Variants in ALCAM observed in about 807,000 individuals in gnomAD.
ALCAM encodes the protein activated leukocyte cell adhesion molecule.
Under a neutral mutation model 70.9 loss-of-function variants are expected in ALCAM, and 30 were observed. The ratio of observed to expected loss-of-function variants is 0.42; its 90% CI spans 0.32 to 0.57. The LOEUF is 0.57. Among genes scored for constraint, ALCAM ranks in the 20% least tolerant of loss-of-function variants. The pLI is 0.11. For missense variants in ALCAM, 591 were observed against 695.1 expected (o/e 0.85, Z 1.68); for synonymous variants, 249 against 242.5 (o/e 1.03, Z -0.25).
At position 105,520,235 on chromosome 3, in the gene ALCAM, T is replaced by C. The variant is rs1325809288; in HGVS notation, c.174+68T>C. 3.7e-6 allele frequency: 4 copies of C among 1,088,946 alleles called. No individual in the cohort carries two copies. The East Asian group carries it at 9.5e-5, about 26-fold the overall frequency. 67.5% of individuals were successfully genotyped at this position (1,088,946 alleles called of 1,614,324 possible). A position where few individuals can be genotyped will look rare whatever the true frequency, so the allele number is the denominator to read the frequency against. On this transcript the variant is annotated intron_variant, in intron 2 of 15. Transcript: ENST00000306107. ...TTTTAAATAAAATTCTTTCTGTGAG[T>C]AACTGTGAATTTCAAATTAACCTAA...
At chr3:105,551,490 A>G (rs189618462) in intron 12 of ALCAM, among the ~76,000 whole-genome samples, 1 of 151,698 alleles carries the variant, frequency 6.6e-6, no homozygotes, top group Non-Finnish European at 1.5e-5. Flanking sequence ...ATCAAATGTC[A>G]CTGGCAGTTC....
At chr3:105,423,158 C>A (rs1936710531) in intron 1 of ALCAM, among the ~76,000 whole-genome samples, 1 of 151,194 alleles carries the variant, frequency 6.6e-6, no homozygotes, top group African/African-American at 2.4e-5. Flanking sequence ...AGTTTTATTG[C>A]AATAATTTAT....
At chr3:105,546,856 G>T (rs1940261328) in intron 9 of ALCAM, among the ~76,000 whole-genome samples, 1 of 151,192 alleles carries the variant, frequency 6.6e-6, no homozygotes, top group Non-Finnish European at 1.5e-5. Flanking sequence ...TGTATATCAG[G>T]CTATTTTTTA....
chr3:105,426,900 A>T (rs953059956), intron 1 of ALCAM, among the ~76,000 whole-genome samples: 4 of 151,932 alleles, frequency 2.6e-5, no homozygotes, highest in Non-Finnish European at 5.9e-5. Context: ...TTTATTATTG[A>T]TTAAATAAAA....
chr3:105,377,240 C>A (rs1345619940), intron 1 of ALCAM, among the ~76,000 whole-genome samples: 1 of 152,042 alleles, frequency 6.6e-6, no homozygotes, highest in Non-Finnish European at 1.5e-5. Context: ...AACCATTTCA[C>A]AAGTTCCTGG....
chr3:105,431,960 A>G (rs916866635), intron 1 of ALCAM, among the ~76,000 whole-genome samples: 1 of 152,174 alleles, frequency 6.6e-6, no homozygotes, highest in Non-Finnish European at 1.5e-5. Flanking sequence ...TATGTTTCCA[A>G]TATGAATGAA....
Position 105,520,128 on chromosome 3 carries a change from T to G in ALCAM, c.135T>G (p.Leu45=), listed in dbSNP as rs1270775553. 6.2e-7 allele frequency: 1 copy of G among 1,613,284 alleles called. No homozygotes were observed. Among genetic ancestry groups the G allele is most frequent in the Non-Finnish European group, 8.5e-7 (1 of 1,179,522 alleles). The change falls in exon 2 of 16, where the codon CTT becomes CTG. Residue 45 remains leucine, a synonymous_variant. Transcript: ENST00000306107. The stretch of plus-strand genomic sequence containing the variant: ...ATACCATTATCATACCTTGCCGACT[T>G]GACGTACCTCAGAATCTCATGTTTG... ...YGDTIIIPCR[L]DVPQNLMFGK...
At chr3:105,525,122 A>C in intron 3 of ALCAM, 2 of 981,580 alleles carry the variant, frequency 2.0e-6, no homozygotes, top group South Asian at 9.4e-5. Context: ...TAGATTTCAA[A>C]AAGTATTCAC....
chr3:105,566,141 C>T (rs567150417), intron 14 of ALCAM, among the ~76,000 whole-genome samples: 2 of 152,120 alleles, frequency 1.3e-5, no homozygotes, highest in South Asian at 4.1e-4. Context: ...AGAGAGCTAG[C>T]CCAGTGAAGC....
At chr3:105,405,506 C>T (rs1399428365) in intron 1 of ALCAM, among the ~76,000 whole-genome samples, 9 of 151,928 alleles carry the variant, frequency 5.9e-5, no homozygotes, top group African/African-American at 9.7e-5. Flanking sequence ...CAAGACAGAA[C>T]GTCAACAAAG....
At chr3:105,572,256 C>G (rs1001982795) in intron 15 of ALCAM, among the ~76,000 whole-genome samples, 3 of 152,106 alleles carry the variant, frequency 2.0e-5, no homozygotes, top group African/African-American at 7.2e-5. Context: ...CTGACAGGCC[C>G]CATTGTGTGG....
chr3:105,382,046 G>A (rs945063151), intron 1 of ALCAM, among the ~76,000 whole-genome samples: 2 of 150,182 alleles, frequency 1.3e-5, no homozygotes, highest in East Asian at 2.0e-4. Context: ...CCATTAACTC[G>A]TCATTTAGCA....
In ALCAM at chr3:105,507,615, A is replaced by G. The variant is rs567681085; in HGVS notation, c.74-12452A>G. Reference sequence around the variant, plus strand: ...ATGGCTTGCTGGCTCATTTCTTTTTATTGCTAAATAATATTTCATTGTCTG... The same window carrying G: ...ATGGCTTGCTGGCTCATTTCTTTTTGTTGCTAAATAATATTTCATTGTCTG... On this transcript the variant is annotated intron_variant, in intron 1 of 15. Transcript: ENST00000306107. 2.6e-5 allele frequency among the ~76,000 whole-genome samples: 4 copies of G among 151,032 alleles called. No individual in the cohort carries two copies. The East Asian group carries it at 7.8e-4, about 30-fold the overall frequency.
intron 5 of ALCAM, 75 bp from the exon 6 acceptor site, chr3:105,534,588 G>C: frequency 7.2e-7 from 1 of 1,393,390 alleles, no homozygotes; most frequent in South Asian, 1.2e-5. Context: ...CTTCTCAAAG[G>C]TGTGGTGCTG....
chr3:105,431,865 A>G (rs1936941919), intron 1 of ALCAM, among the ~76,000 whole-genome samples: 1 of 152,168 alleles, frequency 6.6e-6, no homozygotes, highest in Non-Finnish European at 1.5e-5. Flanking sequence ...AAATCATTTA[A>G]AAGTATGATA....
At chr3:105,572,240 C>G (rs75144918) in intron 15 of ALCAM, among the ~76,000 whole-genome samples, 2 of 152,158 alleles carry the variant, frequency 1.3e-5, no homozygotes, top group African/African-American at 2.4e-5. Flanking sequence ...CCTAGCCCCC[C>G]ACCCCCTGAC....
chr3:105,455,208 G>A (rs552945011), intron 1 of ALCAM, among the ~76,000 whole-genome samples: 3 of 151,834 alleles, frequency 2.0e-5, no homozygotes, highest in East Asian at 2.0e-4. Flanking sequence ...TTGGGAGGCC[G>A]AGGCGGGCGG....
At chr3:105,427,485 A>G (rs1936819356) in intron 1 of ALCAM, among the ~76,000 whole-genome samples, 1 of 151,830 alleles carries the variant, frequency 6.6e-6, no homozygotes, top group Non-Finnish European at 1.5e-5. Flanking sequence ...CTTCATCACC[A>G]TGGGCTGAAG....
chr3:105,466,097 T>G (rs1230379934), intron 1 of ALCAM, among the ~76,000 whole-genome samples: 2 of 151,496 alleles, frequency 1.3e-5, no homozygotes, highest in Non-Finnish European at 3.0e-5. Context: ...ATTGTACCAT[T>G]TATTTCTTGG....
Sources: gnomAD v4.1 joint callset for allele counts (sites outside exome capture counted in the v4.1 genomes callset) on GRCh38, gnomAD v4.1.1 for gene constraint, MANE v1.5 for transcripts, NCBI Gene and HGNC (gene_info 2026-07-23, HGNC 2026-07-21) for gene names.